The following HDAC9 variants were observed in gnomAD, a reference collection of about 807,000 sequenced individuals.
HDAC9 encodes histone deacetylase 9.
In HDAC9, 41 loss-of-function variants were observed where a neutral mutation model predicts 139.4. That is an observed-to-expected ratio of 0.29 (90% confidence interval 0.23 to 0.38). The LOEUF (loss-of-function observed/expected upper bound fraction) is 0.38, where lower values mean the gene tolerates loss of function less well. HDAC9 is among the 10% of genes least tolerant of loss of function. HDAC9 has a pLI of 1.00. For synonymous variants in HDAC9, 517 were observed against 476.2 expected, an observed-to-expected ratio of 1.09 and a Z score of -1.12; for missense variants, 1,147 against 1,297.0, an observed-to-expected ratio of 0.88 and a Z score of 1.78.
chr7:18,958,061 G>T (rs918050721), intron 24 of HDAC9, among the ~76,000 whole-genome samples: 1 of 152,064 alleles, frequency 6.6e-6, no homozygotes, highest in Admixed American at 6.6e-5. Flanking sequence ...AGGTGCGTTG[G>T]CTCCTTGCCT....
intron 25 of HDAC9, 128 bp downstream of exon 25, chr7:18,976,081 C>G: frequency 2.5e-6 from 2 of 803,006 alleles, no homozygotes; most frequent in Non-Finnish European, 3.9e-6. Flanking sequence ...CTCTCCAAAG[C>G]CACAGATGCC....
chr7:18,475,908 T>G (rs1009909433), intron 1 of HDAC9, among the ~76,000 whole-genome samples: 3 of 152,240 alleles, frequency 2.0e-5, no homozygotes, highest in Non-Finnish European at 2.9e-5. Flanking sequence ...GATTTTAAGA[T>G]TAAAATGGCA....
chr7:18,489,525 G>A (rs1317452824), intron 1 of HDAC9, among the ~76,000 whole-genome samples: 1 of 151,696 alleles, frequency 6.6e-6, no homozygotes, highest in Non-Finnish European at 1.5e-5. Context: ...TAAAATTTAG[G>A]GAAGACTTGA....
intron 2 of HDAC9, among the ~76,000 whole-genome samples, chr7:18,191,948 A>G (rs143658416): frequency 6.6e-6 from 1 of 152,312 alleles, no homozygotes; most frequent in East Asian, 1.9e-4. Context: ...GAGACATTAT[A>G]CGTGCTTTCT....
chr7:18,132,406 G>C (rs1785073922), intron 1 of HDAC9, among the ~76,000 whole-genome samples: 1 of 151,966 alleles, frequency 6.6e-6, no homozygotes, highest in Non-Finnish European at 1.5e-5. Context: ...TTTTGTTTTT[G>C]TTTGTTTGTT....
At position 18,319,164 on chromosome 7, in the gene HDAC9, C is replaced by T. The variant is rs117848310; in HGVS notation, c.-42+28649C>T. ...CATGATGGTTGAAACAAAAACACTTCGTGGTATTTATTTTCTGGTATTTTC... is the reference window on the plus strand; with the variant it reads ...CATGATGGTTGAAACAAAAACACTTTGTGGTATTTATTTTCTGGTATTTTC... On this transcript the variant is annotated intron_variant, in intron 1 of 3. Coordinates refer to the HDAC9 transcript ENST00000413509. Among the ~76,000 whole-genome samples the T allele has an allele frequency of 5.2e-3, 789 of 152,290 alleles. 6 individuals are homozygous for T. Among genetic ancestry groups the T allele is most frequent in the Non-Finnish European group, 8.3e-3 (562 of 68,026 alleles).
chr7:18,776,144 C>T (rs748923226), intron 16 of HDAC9, among the ~76,000 whole-genome samples: 65 of 151,990 alleles, frequency 4.3e-4, no homozygotes, highest in Non-Finnish European at 5.4e-4. Context: ...GGTCTCACTA[C>T]GTTGCTCTGG....
intron 1 of HDAC9, among the ~76,000 whole-genome samples, chr7:18,375,294 A>T (rs1784905241): frequency 6.6e-6 from 1 of 152,030 alleles, no homozygotes; most frequent in Non-Finnish European, 1.5e-5. Context: ...ACATGGTGAA[A>T]CCCCATCTCT....
chr7:18,936,665 A>G (rs540471989), intron 23 of HDAC9, among the ~76,000 whole-genome samples: 8 of 152,254 alleles, frequency 5.3e-5, no homozygotes, highest in African/African-American at 1.7e-4. Context: ...CCATTAATCT[A>G]TTTTCTATAG....
At chr7:18,368,922 C>T (rs1784388699) in intron 1 of HDAC9, among the ~76,000 whole-genome samples, 1 of 152,012 alleles carries the variant, frequency 6.6e-6, no homozygotes, top group Non-Finnish European at 1.5e-5. Flanking sequence ...TTATAAATAT[C>T]TAGATAGTGA....
chr7:18,956,452 G>T (rs1783154328), intron 24 of HDAC9, among the ~76,000 whole-genome samples: 1 of 152,074 alleles, frequency 6.6e-6, no homozygotes, highest in Non-Finnish European at 1.5e-5. Context: ...CCTCCAGGAA[G>T]GGTTGACAGC....
rs149014744 is a variant in HDAC9, at chr7:18,687,543, A to G, written c.1731+21067A>G. The stretch of plus-strand genomic sequence containing the variant: ...CCTTCAGTGAATTTTGCATTCTTTT[A>G]TTTTTCACATCTCCGGGTATAGTAG... On this transcript the variant is annotated intron_variant, in intron 12 of 25. Transcript: ENST00000686413. 6.3e-3 allele frequency among the ~76,000 whole-genome samples: 949 copies of G among 151,780 alleles called. 7 individuals carry two copies. Among genetic ancestry groups the G allele is most frequent in the African/African-American group, 0.021 (890 of 41,468 alleles).
At chr7:18,574,581 C>T (rs1825397054) in intron 2 of HDAC9, among the ~76,000 whole-genome samples, 1 of 152,212 alleles carries the variant, frequency 6.6e-6, no homozygotes, top group African/African-American at 2.4e-5. Flanking sequence ...TGTCTGCCTC[C>T]TGCCGCCATC....
In HDAC9 at chr7:18,904,312, C is replaced by T. The variant is rs1037978210; in HGVS notation, c.2803+29716C>T. 2.0e-5 allele frequency among the ~76,000 whole-genome samples: 3 copies of T among 152,100 alleles called. No homozygotes were observed. In the East Asian group the frequency reaches 5.8e-4, roughly 29 times the overall value. On this transcript the variant is annotated intron_variant, in intron 22 of 25. Coordinates refer to ENST00000686413, the MANE Select transcript of HDAC9 (RefSeq NM_178425.4). The stretch of plus-strand genomic sequence containing the variant: ...AAAAGGAGGATTTAAAAAAATGCTG[C>T]TACCAGGTGAAAGAATTCACAGATT...
chr7:18,502,639 TGTAA>T (rs1162325174), intron 2 of HDAC9: 1 of 152,216 alleles, frequency 6.6e-6, no homozygotes, highest in Non-Finnish European at 1.5e-5. Flanking sequence ...TAAATACTAA[TGTAA>T]GTATTTTTTA....
At chr7:18,365,559 G>T (rs1784114392) in intron 1 of HDAC9, among the ~76,000 whole-genome samples, 1 of 151,758 alleles carries the variant, frequency 6.6e-6, no homozygotes, top group East Asian at 1.9e-4. Context: ...CCTTAGCCTA[G>T]GAATAGAAAA....
At chr7:18,356,049 A>G (rs1177324393) in intron 1 of HDAC9, among the ~76,000 whole-genome samples, 1 of 152,150 alleles carries the variant, frequency 6.6e-6, no homozygotes. Flanking sequence ...TGTACCCTTT[A>G]AATGACCAAA....
intron 22 of HDAC9, among the ~76,000 whole-genome samples, chr7:18,914,406 C>G (rs868301584): frequency 1.3e-5 from 2 of 151,800 alleles, no homozygotes; most frequent in African/African-American, 2.4e-5. Context: ...AGACATGCAA[C>G]AGCAATCCAT....
chr7:18,677,468 A>C (rs898001957), intron 12 of HDAC9, among the ~76,000 whole-genome samples: 1 of 151,932 alleles, frequency 6.6e-6, no homozygotes, highest in Non-Finnish European at 1.5e-5. Context: ...GTTTCTGTAG[A>C]AATTTATTTT....
Sources: allele counts gnomAD v4.1 joint callset (sites outside exome capture counted in the v4.1 genomes callset), GRCh38; gene constraint gnomAD v4.1.1; transcripts MANE v1.5; gene names NCBI Gene and HGNC (gene_info 2026-07-23, HGNC 2026-07-21).